The following PCGF6 variants were observed in gnomAD, a reference collection of about 807,000 sequenced individuals.
PCGF6 encodes the protein polycomb group ring finger 6, also known as polycomb group RING finger protein 6.
PCGF6 carries 24 observed loss-of-function variants against 45.5 expected under a neutral mutation model. The ratio of observed to expected loss-of-function variants is 0.53; its 90% confidence interval spans 0.38 to 0.74. The LOEUF is 0.74. Among genes scored for constraint, PCGF6 ranks in the 30% least tolerant of loss-of-function variants. The pLI is 0.00. For missense variants in PCGF6, 356 were observed against 443.2 expected (o/e 0.80, Z 1.77); for synonymous variants, 152 against 162.1 (o/e 0.94, Z 0.47).
chr10:103,329,517 G>C (rs914679024), intron 7 of PCGF6, among the ~76,000 whole-genome samples: 11 of 151,458 alleles, frequency 7.3e-5, no homozygotes, highest in African/African-American at 2.7e-4. Context: ...TGCTCTTGTT[G>C]CCCAGGCTGG....
chr10:103,325,844 G>A (rs1176002482), intron 8 of PCGF6, among the ~76,000 whole-genome samples: 3 of 120,012 alleles, frequency 2.5e-5, no homozygotes, highest in East Asian at 2.3e-4. Context: ...AAGCAAGACC[G>A]CATCTCTTAA....
chr10:103,309,619 C>T (rs2093149466), intron 9 of PCGF6, among the ~76,000 whole-genome samples: 1 of 152,094 alleles, frequency 6.6e-6, no homozygotes, highest in Non-Finnish European at 1.5e-5. Flanking sequence ...TGAATTACAT[C>T]TTAACAAAAC....
intron 6 of PCGF6, among the ~76,000 whole-genome samples, chr10:103,338,569 T>TA (rs1488018653): frequency 7.1e-6 from 1 of 140,686 alleles, no homozygotes; most frequent in Non-Finnish European, 1.5e-5. Flanking sequence ...AAGAAGACCA[T>TA]AAAACACACA....
At chr10:103,325,001 G>C (rs889598556) in intron 8 of PCGF6, among the ~76,000 whole-genome samples, 2 of 150,854 alleles carry the variant, frequency 1.3e-5, no homozygotes, top group African/African-American at 4.9e-5. Flanking sequence ...TGGCATGGTG[G>C]CACCTGCCTG....
intron 9 of PCGF6, among the ~76,000 whole-genome samples, chr10:103,312,015 G>A (rs937808011): frequency 2.7e-5 from 4 of 150,838 alleles, no homozygotes. Flanking sequence ...GACCCCAGGA[G>A]GAGGAGGTGC....
At chr10:103,325,843 C>T (rs1012301854) in intron 8 of PCGF6, among the ~76,000 whole-genome samples, 20 of 126,668 alleles carry the variant, frequency 1.6e-4, no homozygotes, top group South Asian at 3.0e-4. Flanking sequence ...AAAGCAAGAC[C>T]GCATCTCTTA....
chr10:103,330,122 T>C (rs1020134816), intron 7 of PCGF6, among the ~76,000 whole-genome samples: 3 of 151,764 alleles, frequency 2.0e-5, no homozygotes, highest in Non-Finnish European at 4.4e-5. Context: ...TAGCCCAGGC[T>C]GGAATGCAGT....
intron 8 of PCGF6, among the ~76,000 whole-genome samples, chr10:103,320,328 T>A (rs1331184199): frequency 6.6e-6 from 1 of 152,192 alleles, no homozygotes; most frequent in Non-Finnish European, 1.5e-5. Flanking sequence ...GGAGTCTCTA[T>A]GAGAAAGAAA....
chr10:103,313,094 T>C (rs1003259478), intron 9 of PCGF6, among the ~76,000 whole-genome samples: 35 of 152,378 alleles, frequency 2.3e-4, no homozygotes, highest in African/African-American at 8.2e-4. Context: ...TTATTTTGAC[T>C]AAGAGACTTC....
In PCGF6 at chr10:103,348,696, A is replaced by C. The variant is rs370086225; in HGVS notation, c.557+20T>G. The C allele has an allele frequency of 7.0e-7, 1 of 1,437,732 alleles. No homozygotes were observed. 89.1% of individuals were successfully genotyped at this position (1,437,732 alleles called of 1,614,324 possible). On this transcript the variant is annotated intron_variant, in intron 3 of 9. Coordinates refer to ENST00000369847, the MANE Select transcript of PCGF6 (RefSeq NM_001011663.2). ...AAAAGTATATTTAAAATACAATTGT[A>C]ATTTATATATTCTTCTTACCTTATG...
At chr10:103,335,582 C>T (rs1181822107) in intron 6 of PCGF6, among the ~76,000 whole-genome samples, 2 of 151,990 alleles carry the variant, frequency 1.3e-5, no homozygotes, top group South Asian at 2.1e-4. Flanking sequence ...AGGATGGCCT[C>T]GATCTCTTGA....
intron 8 of PCGF6, among the ~76,000 whole-genome samples, chr10:103,324,759 CA>C (rs1189652042): frequency 0.022 from 927 of 41,712 alleles, 4 homozygotes; most frequent in South Asian, 0.12. Context: ...GACTCCGCCT[CA>C]AAAAAAAAAA....
chr10:103,326,482 G>T, intron 8 of PCGF6, 52 bp downstream of exon 8: 1 of 1,169,140 alleles, frequency 8.6e-7, no homozygotes, highest in Non-Finnish European at 1.2e-6. Context: ...TCTACAGTGT[G>T]CTAAAGGTAA....
intron 5 of PCGF6, among the ~76,000 whole-genome samples, chr10:103,346,217 C>T (rs890638216): frequency 3.3e-5 from 5 of 149,546 alleles, no homozygotes; most frequent in East Asian, 4.0e-4. Context: ...AAAAGCCAGG[C>T]GCGGTGGCTC....
intron 8 of PCGF6, among the ~76,000 whole-genome samples, chr10:103,318,598 A>T (rs2093184811): frequency 6.6e-6 from 1 of 151,830 alleles, no homozygotes; most frequent in Admixed American, 6.6e-5. Flanking sequence ...CAAAAAAATT[A>T]GCCGGGCATG....
chr10:103,315,097 T>A (rs919098169), intron 8 of PCGF6, among the ~76,000 whole-genome samples: 4 of 152,090 alleles, frequency 2.6e-5, no homozygotes, highest in Non-Finnish European at 4.4e-5. Context: ...CAACACTGAC[T>A]TGAAGTTCAC....
chr10:103,340,007 CAAAAAAA>C (rs60211186), intron 6 of PCGF6, among the ~76,000 whole-genome samples: 19 of 60,166 alleles, frequency 3.2e-4, no homozygotes, highest in East Asian at 1.5e-3. Flanking sequence ...ACTAAAAATA[CAAAAAAA>C]AAAAAAAAAA....
chr10:103,348,505 AGTGGAGATGGG>A, intron 3 of PCGF6, 200 bp downstream of exon 3: 1 of 368,502 alleles, frequency 2.7e-6, no homozygotes, highest in Non-Finnish European at 4.9e-6. Flanking sequence ...CCTGGCTAAT[AGTGGAGATGGG>A]GTTTCACCAT....
At chr10:103,315,205 A>C (rs1330193888) in intron 8 of PCGF6, among the ~76,000 whole-genome samples, 1 of 152,118 alleles carries the variant, frequency 6.6e-6, no homozygotes, top group African/African-American at 2.4e-5. Flanking sequence ...TATTCCCCCC[A>C]GACAGGGTGT....
Sources: allele counts gnomAD v4.1 joint callset (sites outside exome capture counted in the v4.1 genomes callset), GRCh38; gene constraint gnomAD v4.1.1; transcripts MANE v1.5; gene names NCBI Gene and HGNC (gene_info 2026-07-23, HGNC 2026-07-21).